The following DNTT variants were observed in gnomAD, a reference collection of about 807,000 sequenced individuals.
DNTT encodes nucleosidetriphosphate:DNA deoxynucleotidylexotransferase.
Under a neutral mutation model 60.9 loss-of-function variants are expected in DNTT, and 47 were observed. The ratio of observed to expected loss-of-function variants is 0.77; its 90% CI spans 0.61 to 0.98. The LOEUF (loss-of-function observed/expected upper bound fraction) is 0.98. Among genes scored for constraint, DNTT ranks in the 50% least tolerant of loss-of-function variants. DNTT has a pLI of 0.00. For synonymous variants in DNTT, 224 were observed against 221.2 expected, an observed-to-expected ratio of 1.01 and a Z score of -0.11; for missense variants, 665 against 627.5, an observed-to-expected ratio of 1.06 and a Z score of -0.64.
intron 9 of DNTT, 125 bp from the exon 10 acceptor site, chr10:96,335,766 T>C (rs1723358483): frequency 1.8e-6 from 2 of 1,115,866 alleles, no homozygotes; most frequent in Non-Finnish European, 2.7e-6. Context: ...AATTTGGCCC[T>C]GGGGGAGGAA....
chr10:96,335,760 T>G, intron 9 of DNTT, 131 bp from the exon 10 acceptor site: 1 of 967,326 alleles, frequency 1.0e-6, no homozygotes, highest in Non-Finnish European at 1.6e-6. Flanking sequence ...CCAGAGAATT[T>G]GGCCCTGGGG....
At chr10:96,313,564 T>A (rs1259142834) in intron 1 of DNTT, among the ~76,000 whole-genome samples, 2 of 152,172 alleles carry the variant, frequency 1.3e-5, no homozygotes, top group African/African-American at 4.8e-5. Flanking sequence ...TCATGTAAGC[T>A]CCCCCAGGCT....
chr10:96,314,705 C>A (rs932836891), intron 1 of DNTT, among the ~76,000 whole-genome samples: 3 of 152,054 alleles, frequency 2.0e-5, no homozygotes, highest in Non-Finnish European at 4.4e-5. Context: ...AGCCACCGCG[C>A]CCAGCCTCTC....
intron 1 of DNTT, among the ~76,000 whole-genome samples, chr10:96,313,373 C>T (rs1238274707): frequency 6.6e-6 from 1 of 152,140 alleles, no homozygotes; most frequent in Non-Finnish European, 1.5e-5. Flanking sequence ...TTGAAAATGA[C>T]ATTCATGTAT....
chr10:96,336,060 T>C (rs1046737756), intron 10 of DNTT, 86 bp downstream of exon 10: 29 of 1,306,618 alleles, frequency 2.2e-5, no homozygotes, highest in Non-Finnish European at 3.1e-5. Flanking sequence ...GATTTTAGTA[T>C]CCAGGTATGG....
chr10:96,336,113 G>T lies in DNTT; in HGVS notation c.1443+139G>T. Reference sequence around the variant, plus strand: ...GTTCTATTTCCAGTTCATCATAGTTGAGGGCAGCAAGAAAGATTTCCACAG... The same window carrying T: ...GTTCTATTTCCAGTTCATCATAGTTTAGGGCAGCAAGAAAGATTTCCACAG... On this transcript the variant is annotated intron_variant, in intron 10 of 10. Transcript: ENST00000371174. The T allele has an allele frequency of 4.8e-6, 4 of 828,016 alleles. No individual in the cohort carries two copies. The South Asian group carries it at 6.1e-5, about 13-fold the overall frequency. The allele number at this position is 828,016 out of a possible 1,614,324, so 51.3% of individuals were successfully genotyped here.
At chr10:96,306,507 A>G in intron 1 of DNTT, 1 of 152,264 alleles carries the variant, frequency 6.6e-6, no homozygotes, top group East Asian at 1.9e-4. Context: ...AGCACCACTT[A>G]CTGGAAAGCT....
chr10:96,311,375 A>G (rs1172094592), intron 1 of DNTT, among the ~76,000 whole-genome samples: 1 of 152,222 alleles, frequency 6.6e-6, no homozygotes, highest in Non-Finnish European at 1.5e-5. Flanking sequence ...GGTGGGAAGG[A>G]GTCTATACCC....
intron 9 of DNTT, among the ~76,000 whole-genome samples, chr10:96,335,209 A>G (rs147664310): frequency 1.3e-5 from 2 of 152,274 alleles, no homozygotes; most frequent in African/African-American, 4.8e-5. Flanking sequence ...CTCCTTTCCC[A>G]AGGTGTTCCT....
At chr10:96,337,921 T>C (rs1322630407) in intron 10 of DNTT, among the ~76,000 whole-genome samples, 1 of 152,246 alleles carries the variant, frequency 6.6e-6, no homozygotes, top group Non-Finnish European at 1.5e-5. Flanking sequence ...TGGCTTTTGC[T>C]GAATATGTTA....
intron 5 of DNTT, among the ~76,000 whole-genome samples, chr10:96,323,815 G>A (rs1340333513): frequency 6.6e-6 from 1 of 152,158 alleles, no homozygotes; most frequent in East Asian, 1.9e-4. Context: ...CAGGGTTTAA[G>A]TTTGGGCTGT....
chr10:96,325,305 G>C (rs948614550), intron 6 of DNTT, among the ~76,000 whole-genome samples: 1 of 151,856 alleles, frequency 6.6e-6, no homozygotes, highest in Non-Finnish European at 1.5e-5. Flanking sequence ...AAGAGTCTAA[G>C]AAAAAAAGAT....
At chr10:96,309,084 C>T (rs1453514726) in intron 1 of DNTT, among the ~76,000 whole-genome samples, 1 of 152,128 alleles carries the variant, frequency 6.6e-6, no homozygotes, top group African/African-American at 2.4e-5. Flanking sequence ...AAATGCACGA[C>T]CAGGAAGGTT....
intron 7 of DNTT, among the ~76,000 whole-genome samples, chr10:96,327,971 G>A (rs976314388): frequency 3.3e-5 from 5 of 152,110 alleles, no homozygotes; most frequent in Non-Finnish European, 4.4e-5. Flanking sequence ...CATGCTCCCT[G>A]AGTACCTGCA....
intron 10 of DNTT, among the ~76,000 whole-genome samples, chr10:96,336,522 A>G (rs113888231): frequency 1.1e-4 from 17 of 152,362 alleles, no homozygotes; most frequent in Non-Finnish European, 1.9e-4. Context: ...CAGCAAAACG[A>G]TAGATGCCTG....
In DNTT at chr10:96,334,577, G is replaced by C. The variant is rs147966558; in HGVS notation, c.1360-1314G>C. ...ACACAAATTAATTGTTCTCAGCCGT[G>C]GGTTAAATGTCAGGTGTCTTTGCTT... On this transcript the variant is annotated intron_variant, in intron 9 of 10. Transcript: ENST00000371174. Among the ~76,000 whole-genome samples, 763 of 152,206 alleles carry C rather than the reference G, an allele frequency of 5.0e-3. 3 individuals are homozygous for C. Among genetic ancestry groups the C allele is most frequent in the Admixed American group, 0.011 (170 of 15,296 alleles).
chr10:96,316,191 C>T (rs926817581), intron 1 of DNTT, among the ~76,000 whole-genome samples: 1 of 152,168 alleles, frequency 6.6e-6, no homozygotes, highest in African/African-American at 2.4e-5. Context: ...CCAAAAGTGC[C>T]ATTACTTTAC....
At chr10:96,324,612 G>T (rs1292474139) in intron 6 of DNTT, among the ~76,000 whole-genome samples, 2 of 152,338 alleles carry the variant, frequency 1.3e-5, no homozygotes, top group South Asian at 4.1e-4. Flanking sequence ...ATGAAAGAGA[G>T]ATAACATTGA....
At position 96,307,701 on chromosome 10, in the gene DNTT, GTGTGTATATATATA is replaced by G. The variant is rs1363327960; in HGVS notation, c.203+3003_203+3016del. ...CATATATATATGTATGTGTGTGTGTGTGTGTATATATATATATATATATATATATATAAGCATAT... is the reference window on the plus strand; with the variant it reads ...CATATATATATGTATGTGTGTGTGTGTATATATATATATATATAAGCATAT... On this transcript the variant is annotated intron_variant, in intron 1 of 10. Coordinates refer to ENST00000371174, the MANE Select transcript of DNTT (RefSeq NM_004088.4). 4.2e-4 allele frequency among the ~76,000 whole-genome samples: 36 copies of G among 85,032 alleles called. No individual in the cohort carries two copies. The East Asian group carries it at 7.3e-3, about 17-fold the overall frequency. The allele number at this position is 85,032 out of a possible 152,430, so 55.8% of individuals were successfully genotyped here.
Sources: gnomAD v4.1 joint callset for allele counts (sites outside exome capture counted in the v4.1 genomes callset) on GRCh38, gnomAD v4.1.1 for gene constraint, MANE v1.5 for transcripts, NCBI Gene and HGNC (gene_info 2026-07-23, HGNC 2026-07-21) for gene names.